The following DIXDC1 variants were observed in gnomAD, a reference collection of about 807,000 sequenced individuals.
DIXDC1 encodes the protein DIX domain containing 1, also known as dixin.
A neutral mutation model predicts 103.1 loss-of-function variants in DIXDC1; 64 were observed. The ratio of observed to expected loss-of-function variants is 0.62; its 90% CI spans 0.51 to 0.76. The LOEUF is 0.76. Among genes scored for constraint, DIXDC1 ranks in the 30% least tolerant of loss-of-function variants. The probability of loss-of-function intolerance (pLI) is 0.00; values close to 1 mark genes in which losing one functional copy is unlikely to be tolerated. For synonymous variants in DIXDC1, 266 were observed against 298.5 expected (o/e 0.89, Z 1.12); for missense variants, 759 against 834.2 (o/e 0.91, Z 1.11).
At chr11:111,994,239 T>TTAGCC (rs1860803141) in intron 14 of DIXDC1, among the ~76,000 whole-genome samples, 1 of 151,978 alleles carries the variant, frequency 6.6e-6, no homozygotes, top group Admixed American at 6.6e-5. Flanking sequence ...ATTACAAAAA[T>TTAGCC]TAGCCAGGCG....
At chr11:111,999,447 G>C (rs183316640) in intron 17 of DIXDC1, among the ~76,000 whole-genome samples, 60 of 152,316 alleles carry the variant, frequency 3.9e-4, no homozygotes, top group Middle Eastern at 6.8e-3. Flanking sequence ...CTATAGATCA[G>C]TGACTTAAAT....
intron 19 of DIXDC1, among the ~76,000 whole-genome samples, chr11:112,018,155 A>G (rs1191541456): frequency 1.3e-5 from 2 of 152,246 alleles, no homozygotes; most frequent in Non-Finnish European, 2.9e-5. Context: ...GGGAAAATAA[A>G]GAACCTAAGA....
intron 1 of DIXDC1, among the ~76,000 whole-genome samples, chr11:111,948,374 A>C (rs1435105020): frequency 2.0e-5 from 3 of 151,888 alleles, no homozygotes; most frequent in African/African-American, 7.3e-5. Flanking sequence ...ACTGTCTCTT[A>C]ATTTCTTCTC....
At chr11:111,937,294 G>C, upstream of DIXDC1, 1 of 1,328,440 alleles carries the variant, frequency 7.5e-7, no homozygotes, top group East Asian at 3.1e-5. Context: ...GACCGCGCCG[G>C]GCCCCTCCAG....
At chr11:112,016,639 G>A in intron 17 of DIXDC1, 52 bp from the exon 18 acceptor site, 5 of 1,456,506 alleles carry the variant, frequency 3.4e-6, no homozygotes, top group Non-Finnish European at 4.6e-6. Context: ...AACTGCAGAT[G>A]GCTGGTTTAG....
intron 1 of DIXDC1, among the ~76,000 whole-genome samples, chr11:111,942,287 C>T (rs996536717): frequency 1.9e-4 from 29 of 152,162 alleles, no homozygotes; most frequent in African/African-American, 6.5e-4. Context: ...AGTGATAGGG[C>T]ACTGTTAGCC....
chr11:111,988,450 T>A (rs142288954), intron 9 of DIXDC1, among the ~76,000 whole-genome samples: 1,580 of 152,312 alleles, frequency 0.01, 25 homozygotes, highest in African/African-American at 0.035. Flanking sequence ...TATTTCCTAG[T>A]GACAATCGTA....
At chr11:111,949,074 C>T (rs4091706) in intron 1 of DIXDC1, among the ~76,000 whole-genome samples, 3,749 of 152,124 alleles carry the variant, frequency 0.025, 160 homozygotes, top group African/African-American at 0.086. Context: ...AAAATATTTC[C>T]TCGCAGGGTC....
chr11:111,937,132 G>GGC (rs1555168221), upstream of DIXDC1: 5 of 369,520 alleles, frequency 1.4e-5, no homozygotes, highest in African/African-American at 8.5e-5. Flanking sequence ...CGGCCCGGGC[G>GGC]GGGGGGGGGT....
chr11:111,947,360 T>C (rs1555169479), intron 1 of DIXDC1, among the ~76,000 whole-genome samples: 1 of 152,212 alleles, frequency 6.6e-6, no homozygotes, highest in African/African-American at 2.4e-5. Context: ...GTATTTCATC[T>C]GCTACAGAAA....
intron 1 of DIXDC1, among the ~76,000 whole-genome samples, chr11:111,928,761 C>CA (rs1237276313): frequency 1.3e-5 from 2 of 148,296 alleles, no homozygotes; most frequent in African/African-American, 5.0e-5. Flanking sequence ...GACTGCGTCT[C>CA]AAAAAAGTGG....
At chr11:111,990,175 C>T (rs1555174389) in intron 10 of DIXDC1, among the ~76,000 whole-genome samples, 1 of 151,038 alleles carries the variant, frequency 6.6e-6, no homozygotes, top group Non-Finnish European at 1.5e-5. Context: ...ACTGCAATCT[C>T]CGCCTCCTGG....
intron 12 of DIXDC1, 105 bp downstream of exon 12, chr11:111,993,109 A>AT (rs781807384): frequency 3.9e-4 from 495 of 1,279,388 alleles, no homozygotes; most frequent in Middle Eastern, 7.8e-4. Flanking sequence ...ATCCTTTTTG[A>AT]TTTTTTTTTA....
chr11:112,009,783 T>G (rs1294069882), intron 17 of DIXDC1, among the ~76,000 whole-genome samples: 7 of 152,140 alleles, frequency 4.6e-5, no homozygotes, highest in Admixed American at 3.9e-4. Context: ...AATCTCTCAA[T>G]AAACTGGGTA....
chr11:111,956,110 A>G (rs1859355226), intron 1 of DIXDC1, among the ~76,000 whole-genome samples: 1 of 152,102 alleles, frequency 6.6e-6, no homozygotes, highest in Admixed American at 6.6e-5. Flanking sequence ...ATGCTAACTG[A>G]AATAAGCCAA....
In DIXDC1 at chr11:112,017,966, A is replaced by G. The variant is rs1211927803; in HGVS notation, c.1971+81A>G. The G allele has an allele frequency of 8.8e-6, 10 of 1,134,966 alleles. No individual in the cohort carries two copies. The South Asian group carries it at 1.4e-4, about 16-fold the overall frequency. 70.3% of individuals were successfully genotyped at this position (1,134,966 alleles called of 1,614,324 possible). ...GCCTCCTGTTCAAGCACTAGTGTCC[A>G]GAAGTACATGAGTTCCCTGACTAGG... On this transcript the variant is annotated intron_variant, in intron 19 of 19. Transcript: ENST00000440460. This position sits in a 1 kb window ranked among gnomAD's most constrained non-coding sequence, Gnocchi z 4.0.
At chr11:111,975,969 A>G in intron 5 of DIXDC1, 3 of 886,388 alleles carry the variant, frequency 3.4e-6, no homozygotes, top group Non-Finnish European at 4.1e-6. Context: ...ATAACATAAA[A>G]TTAACCATTA....
chr11:111,985,197 G>A (rs1555173680), intron 7 of DIXDC1, 35 bp from the exon 8 acceptor site: 1 of 1,540,554 alleles, frequency 6.5e-7, no homozygotes, highest in South Asian at 1.1e-5. Flanking sequence ...ATCTGAAGGA[G>A]AGTTAAGTTT....
chr11:111,951,262 A>G (rs148104036), intron 1 of DIXDC1, among the ~76,000 whole-genome samples: 2 of 152,338 alleles, frequency 1.3e-5, no homozygotes, highest in African/African-American at 2.4e-5. Context: ...AGAGAACCCT[A>G]TTAAGGAATT....
Sources: allele counts gnomAD v4.1 joint callset (sites outside exome capture counted in the v4.1 genomes callset), GRCh38; gene constraint gnomAD v4.1.1; non-coding constraint Gnocchi (gnomAD v3.1); transcripts MANE v1.5; gene names NCBI Gene and HGNC (gene_info 2026-07-23, HGNC 2026-07-21).